The following ZPLD1 variants were observed in gnomAD, a reference collection of about 807,000 sequenced individuals.
ZPLD1 encodes zona pellucida like domain containing 1.
ZPLD1 carries 34 observed loss-of-function variants against 47.2 expected under a neutral mutation model. The observed-to-expected ratio is 0.72, with a 90% confidence interval of 0.55 to 0.96. The LOEUF is 0.96. Ranked by LOEUF, ZPLD1 falls within the 40% of genes least tolerant of loss-of-function variation. The pLI is 0.00. For missense variants in ZPLD1, 512 were observed against 505.8 expected, an observed-to-expected ratio of 1.01 and a Z score of -0.12; for synonymous variants, 176 against 186.2, an observed-to-expected ratio of 0.95 and a Z score of 0.45.
In ZPLD1 at chr3:102,402,431, G is replaced by T. The variant is rs546601432; in HGVS notation, c.-157+10206G>T. On this transcript the variant is annotated intron_variant, in intron 7 of 17. Coordinates refer to the ZPLD1 transcript ENST00000491959. ...ACTAAACTTTTTTATAAAGACTTCA[G>T]TATTGATATATCAGTAATTTAAGTA... Among the ~76,000 whole-genome samples the T allele has an allele frequency of 2.6e-5, 4 of 152,124 alleles. No individual in the cohort carries two copies. The South Asian group carries it at 8.3e-4, about 31-fold the overall frequency.
rs751563277 is a variant in ZPLD1 at position 102,462,370 on chromosome 3, G to A, written c.672G>A (p.Leu224=). ...TTGCAGCTGTCCAAGCCACTAATTT[G>A]GATGGCAGGTAATTTCAAACTCTTG... The part of the protein sequence containing the change: ...KVFAAVQATN[L]DGRWNVLMDY... The change falls in exon 7 of 12, where the codon TTG becomes TTA. Residue 224 remains leucine (L), a synonymous_variant. Coordinates refer to ENST00000466937, the MANE Select transcript of ZPLD1 (RefSeq NM_001329788.2). 6.2e-7 allele frequency: 1 copy of A among 1,605,818 alleles called. No homozygotes were observed. Among genetic ancestry groups the A allele is most frequent in the Non-Finnish European group, 8.5e-7 (1 of 1,175,800 alleles).
chr3:102,399,943 T>C (rs1335748165), intron 7 of ZPLD1, among the ~76,000 whole-genome samples: 1 of 151,904 alleles, frequency 6.6e-6, no homozygotes, highest in Non-Finnish European at 1.5e-5. Flanking sequence ...CTCAGTATCC[T>C]GAGTAGCTGG....
intron 9 of ZPLD1, 39 bp from the exon 10 acceptor site, chr3:102,470,355 G>A: frequency 6.6e-7 from 1 of 1,526,206 alleles, no homozygotes; most frequent in East Asian, 2.3e-5. Context: ...ACAATTCTGC[G>A]CCGGTGTGGA....
At position 102,477,569 on chromosome 3, in the gene ZPLD1, G is replaced by C. The variant is rs1707778008; in HGVS notation, c.1199G>C (p.Gly400Ala). The C allele has an allele frequency of 3.1e-6, 5 of 1,613,622 alleles. No homozygotes were observed. The highest frequency in any genetic ancestry group is 4.2e-6 in the Non-Finnish European group (5 of 1,179,706). ...LCSLALLHRKGPTSLVLNGIR... is the reference protein window; with the variant it reads ...LCSLALLHRKAPTSLVLNGIR... ...TCACTGGCCCTTCTGCACAGGAAGG[G>C]ACCCACAAGTTTAGTGTTGAATGGC... Residue 400 changes from glycine to alanine, a missense_variant, in exon 12 of 12, where the codon GGA becomes GCA. Transcript: ENST00000466937.
rs765502481 is a variant in ZPLD1, at chr3:102,464,188, A to G, written c.698A>G (p.Asp233Gly). The G allele has an allele frequency of 3.1e-5, 50 of 1,612,292 alleles. No individual in the cohort carries two copies. Among genetic ancestry groups the G allele is most frequent in the Non-Finnish European group, 2.5e-5 (29 of 1,178,700 alleles). Residue 233 changes from aspartate to glycine, a missense_variant, in exon 8 of 12, where the codon GAT becomes GGT. Physicochemically the swap from Asp to Gly is moderately conservative, Grantham distance 94 (BLOSUM62 -1). Coordinates refer to ENST00000466937, the MANE Select transcript of ZPLD1 (RefSeq NM_001329788.2). The part of the protein sequence containing the change: ...NLDGRWNVLM[D>G]YCYTTPSGNP... The stretch of plus-strand genomic sequence containing the variant: ...TCTTTCAGATGGAATGTTTTAATGG[A>G]TTATTGCTATACTACCCCATCAGGA...
At chr3:102,435,227 G>C in intron 1 of ZPLD1, 73 bp downstream of exon 1, 1 of 1,549,468 alleles carries the variant, frequency 6.5e-7, no homozygotes, top group Non-Finnish European at 8.9e-7. Flanking sequence ...GAACTATAAA[G>C]AAGGCTTGAA....
At chr3:102,402,550 AT>A (rs1430680486) in intron 7 of ZPLD1, among the ~76,000 whole-genome samples, 1 of 152,032 alleles carries the variant, frequency 6.6e-6, no homozygotes, top group Non-Finnish European at 1.5e-5. Context: ...GTGAGAGGAC[AT>A]TGGTAAGTCC....
At chr3:102,425,004 T>G (rs74840618) in intron 8 of ZPLD1, among the ~76,000 whole-genome samples, 8,141 of 152,100 alleles carry the variant, frequency 0.054, 250 homozygotes, top group African/African-American at 0.082. Flanking sequence ...GGTTTTTTTT[T>G]TTGTTGTTGT....
At chr3:102,401,231 T>C (rs544387291) in intron 7 of ZPLD1, among the ~76,000 whole-genome samples, 10 of 152,042 alleles carry the variant, frequency 6.6e-5, no homozygotes, top group Non-Finnish European at 1.5e-4. Flanking sequence ...TCTTTCTCTC[T>C]CATATAGACA....
At chr3:102,387,400 T>G (rs1279740675) in intron 6 of ZPLD1, among the ~76,000 whole-genome samples, 1 of 152,238 alleles carries the variant, frequency 6.6e-6, no homozygotes, top group Non-Finnish European at 1.5e-5. Context: ...CATTTGTATA[T>G]TGAGATGCTC....
At chr3:102,414,449 G>A (rs539285422) in intron 7 of ZPLD1, among the ~76,000 whole-genome samples, 14 of 151,770 alleles carry the variant, frequency 9.2e-5, no homozygotes, top group African/African-American at 2.2e-4. Flanking sequence ...CAGTAATTGC[G>A]CTTTAATAGC....
intron 3 of ZPLD1, among the ~76,000 whole-genome samples, chr3:102,440,557 G>C (rs1369344305): frequency 1.3e-5 from 2 of 152,114 alleles, no homozygotes; most frequent in African/African-American, 4.8e-5. Context: ...ATATATAGTG[G>C]CAGTTTCTTT....
intron 7 of ZPLD1, among the ~76,000 whole-genome samples, chr3:102,404,468 G>A (rs1706658169): frequency 6.6e-6 from 1 of 151,940 alleles, no homozygotes; most frequent in African/African-American, 2.4e-5. Context: ...TGTGTGAATT[G>A]TCCCAGAGGA....
At chr3:102,424,806 C>T (rs1706922379) in intron 8 of ZPLD1, among the ~76,000 whole-genome samples, 1 of 152,212 alleles carries the variant, frequency 6.6e-6, no homozygotes, top group African/African-American at 2.4e-5. Context: ...TTTCTATTTG[C>T]TCCTATACTA....
intron 7 of ZPLD1, among the ~76,000 whole-genome samples, chr3:102,393,397 A>G (rs1317624162): frequency 6.6e-6 from 1 of 152,164 alleles, no homozygotes; most frequent in African/African-American, 2.4e-5. Flanking sequence ...CTTATCTTCA[A>G]TTGCAGATTC....
intron 3 of ZPLD1, among the ~76,000 whole-genome samples, chr3:102,441,209 G>A (rs1395309021): frequency 2.0e-5 from 3 of 152,116 alleles, no homozygotes; most frequent in Middle Eastern, 6.3e-3. Flanking sequence ...TACTTGTAAA[G>A]GTGAATAAGG....
intron 8 of ZPLD1, chr3:102,418,262 T>A (rs1432771122): frequency 1.3e-5 from 2 of 152,382 alleles, no homozygotes; most frequent in Non-Finnish European, 1.5e-5. Context: ...GCCTTTTTAC[T>A]AAGCATGGAA....
upstream of ZPLD1, among the ~76,000 whole-genome samples, chr3:102,434,194 C>G (rs1433481589): frequency 6.6e-6 from 1 of 152,178 alleles, no homozygotes; most frequent in Middle Eastern, 3.4e-3. Context: ...TTAAACATAG[C>G]ACAGTGCCTG....
chr3:102,457,178 A>C (rs1707430193), intron 5 of ZPLD1, among the ~76,000 whole-genome samples: 1 of 152,200 alleles, frequency 6.6e-6, no homozygotes, highest in South Asian at 2.1e-4. Context: ...TCATTGAAAA[A>C]ATATTCATAG....
Sources: gnomAD v4.1 joint callset for allele counts (sites outside exome capture counted in the v4.1 genomes callset) on GRCh38, gnomAD v4.1.1 for gene constraint, MANE v1.5 for transcripts, NCBI Gene and HGNC (gene_info 2026-07-23, HGNC 2026-07-21) for gene names.